Variants in NXPE4 observed in about 807,000 individuals in gnomAD.
The protein encoded by NXPE4 is NXPE family member 4.
Under a neutral mutation model 33.3 loss-of-function variants are expected in NXPE4, and 42 were observed. The ratio of observed to expected loss-of-function variants is 1.26; its 90% CI spans 0.98 to 1.63. The LOEUF is 1.63. Ranked by LOEUF, NXPE4 falls within the 40% of genes most tolerant of loss-of-function variation. The probability of loss-of-function intolerance (pLI) is 0.00; values close to 1 mark genes in which losing one functional copy is unlikely to be tolerated. For missense variants in NXPE4, 709 were observed against 647.6 expected (o/e 1.09, Z -1.03); for synonymous variants, 253 against 234.9 (o/e 1.08, Z -0.71).
rs1232698243 is a variant in NXPE4 at position 114,582,588 on chromosome 11, A to T, written c.530T>A (p.Leu177Gln). ...FTLFWEGQVS[L>Q]SLLLIHPSEG... is the part of the protein sequence containing the mutation. ...ACTGGGGTGGATGAGCAGCAGAGAC[A>T]GAGAGACCTGGCCCTCCCAGAACAG... Residue 177 changes from leucine (L) to glutamine (Q), a missense_variant, in exon 3 of 6, where the codon CTG (leucine) becomes CAG (glutamine). Coordinates refer to ENST00000375478, the MANE Select transcript of NXPE4 (RefSeq NM_001077639.2). 6.2e-7 allele frequency: 1 copy of T among 1,614,158 alleles called. No homozygotes were observed. The highest frequency in any genetic ancestry group is 1.7e-5 in the Admixed American group (1 of 60,030).
chr11:114,603,041 A>T, the NXPE4 span, among the ~76,000 whole-genome samples: 1 of 151,600 alleles, frequency 6.6e-6, no homozygotes, highest in African/African-American at 2.4e-5. Flanking sequence ...ACGGAACCGT[A>T]TATAATAATT....
the NXPE4 span, among the ~76,000 whole-genome samples, chr11:114,652,661 A>G: frequency 6.6e-6 from 1 of 152,196 alleles, no homozygotes; most frequent in Non-Finnish European, 1.5e-5. Flanking sequence ...TTGAAGTTAG[A>G]ATTAAGAAGA....
At chr11:114,628,550 T>G in the NXPE4 span, among the ~76,000 whole-genome samples, 1 of 151,120 alleles carries the variant, frequency 6.6e-6, no homozygotes, top group African/African-American at 2.4e-5. Context: ...TAGCACTAAA[T>G]GCCCACAAGA....
the NXPE4 span, among the ~76,000 whole-genome samples, chr11:114,622,207 G>A: frequency 1.7e-4 from 18 of 104,916 alleles, no homozygotes; most frequent in South Asian, 3.9e-3. Flanking sequence ...ATTACCTGGT[G>A]GATAATAAGT....
intron 2 of NXPE4, chr11:114,583,943 G>T (rs1201032425): frequency 5.4e-5 from 21 of 391,240 alleles, no homozygotes; most frequent in Middle Eastern, 8.3e-4. Context: ...GCTCCTAGAT[G>T]GGATTGATGA....
chr11:114,644,202 C>T, the NXPE4 span, among the ~76,000 whole-genome samples: 3 of 152,244 alleles, frequency 2.0e-5, no homozygotes, highest in East Asian at 1.9e-4. Flanking sequence ...CATCTGCAAA[C>T]AGAGACAATA....
chr11:114,591,002 A>G (rs1949438683), intron 2 of NXPE4, among the ~76,000 whole-genome samples: 1 of 152,188 alleles, frequency 6.6e-6, no homozygotes, highest in Non-Finnish European at 1.5e-5. Flanking sequence ...GAACCTGAAC[A>G]TGACTGTGAG....
the NXPE4 span, among the ~76,000 whole-genome samples, chr11:114,627,984 T>C: frequency 1.3e-5 from 2 of 151,850 alleles, no homozygotes; most frequent in Non-Finnish European, 2.9e-5. Flanking sequence ...CCTAAATATA[T>C]ATGGACCCAA....
At chr11:114,610,252 C>T in the NXPE4 span, among the ~76,000 whole-genome samples, 2 of 151,734 alleles carry the variant, frequency 1.3e-5, no homozygotes, top group East Asian at 3.9e-4. Flanking sequence ...CCACTGTTAC[C>T]CTCTGGATAA....
chr11:114,667,141 G>A, the NXPE4 span, among the ~76,000 whole-genome samples: 1 of 152,214 alleles, frequency 6.6e-6, no homozygotes, highest in East Asian at 1.9e-4. Context: ...TATACATGAA[G>A]ATATTTACGT....
At chr11:114,651,445 A>G in the NXPE4 span, among the ~76,000 whole-genome samples, 1 of 152,298 alleles carries the variant, frequency 6.6e-6, no homozygotes, top group South Asian at 2.1e-4. Flanking sequence ...ACAGCTCATA[A>G]AGGTAGTGTG....
the NXPE4 span, among the ~76,000 whole-genome samples, chr11:114,677,525 G>T: frequency 6.6e-6 from 1 of 152,018 alleles, no homozygotes; most frequent in Non-Finnish European, 1.5e-5. Flanking sequence ...GGAAGAATTG[G>T]CAGGATCCAT....
At chr11:114,624,171 G>A in the NXPE4 span, among the ~76,000 whole-genome samples, 1 of 151,844 alleles carries the variant, frequency 6.6e-6, no homozygotes, top group Non-Finnish European at 1.5e-5. Flanking sequence ...AATGTTATAT[G>A]GTAGATAATA....
the NXPE4 span, among the ~76,000 whole-genome samples, chr11:114,658,222 C>G: frequency 3.3e-4 from 50 of 152,288 alleles, no homozygotes; most frequent in East Asian, 5.0e-3. Context: ...GCAGAAAGAA[C>G]ACAAATACTG....
At chr11:114,605,275 A>T in the NXPE4 span, among the ~76,000 whole-genome samples, 79 of 151,734 alleles carry the variant, frequency 5.2e-4, 1 homozygote, top group Non-Finnish European at 9.4e-4. Flanking sequence ...AACCACTGTT[A>T]CCTGGTGGAT....
chr11:114,643,182 A>G, the NXPE4 span, among the ~76,000 whole-genome samples: 1 of 152,058 alleles, frequency 6.6e-6, no homozygotes, highest in African/African-American at 2.4e-5. Context: ...ATAGATTGCA[A>G]AAATTTTCTC....
intron 5 of NXPE4, among the ~76,000 whole-genome samples, chr11:114,579,754 A>T (rs1405223160): frequency 6.6e-6 from 1 of 152,226 alleles, no homozygotes; most frequent in Non-Finnish European, 1.5e-5. Context: ...GAGGTAGAGA[A>T]GTCAGGTTTT....
At chr11:114,656,882 G>C in the NXPE4 span, among the ~76,000 whole-genome samples, 2,187 of 152,204 alleles carry the variant, frequency 0.014, 44 homozygotes, top group African/African-American at 0.05. Flanking sequence ...CACAAGGTCA[G>C]GGGATCGAGA....
Position 114,582,712 on chromosome 11 carries a change from C to T in NXPE4, c.406G>A (p.Asp136Asn), listed in dbSNP as rs758415512. Residue 136 changes from aspartate to asparagine, a missense_variant, in exon 3 of 6, where the codon GAT becomes AAT. Transcript: ENST00000375478. ...HLGRRKQYGG[D>N]FLRARMSSPA... ...GAAGACATCCTGGCCCTCAGGAAAT[C>T]CCCGCCATATTGCTTCCTGCGTCCC... The T allele has an allele frequency of 1.9e-6, 3 of 1,614,162 alleles. No homozygotes were observed. The highest frequency in any genetic ancestry group is 2.5e-6 in the Non-Finnish European group (3 of 1,180,008).
Sources: allele counts gnomAD v4.1 joint callset (sites outside exome capture counted in the v4.1 genomes callset), GRCh38; gene constraint gnomAD v4.1.1; transcripts MANE v1.5; gene names NCBI Gene and HGNC (gene_info 2026-07-23, HGNC 2026-07-21).